The following RECK variants were observed in gnomAD, a reference collection of about 807,000 sequenced individuals.
RECK encodes reversion inducing cysteine rich protein with kazal motifs.
Under a neutral mutation model 115.1 loss-of-function variants are expected in RECK, and 69 were observed. That is an observed-to-expected ratio of 0.60 (90% confidence interval 0.49 to 0.73). The LOEUF (loss-of-function observed/expected upper bound fraction) is 0.73. Ranked by LOEUF, RECK falls within the 30% of genes least tolerant of loss-of-function variation. RECK has a pLI of 0.00. For synonymous variants in RECK, 414 were observed against 419.7 expected, an observed-to-expected ratio of 0.99 and a Z score of 0.17; for missense variants, 1,047 against 1,203.7, an observed-to-expected ratio of 0.87 and a Z score of 1.93.
chr9:36,114,074 C>G (rs1374194172), intron 16 of RECK, among the ~76,000 whole-genome samples: 2 of 152,196 alleles, frequency 1.3e-5, no homozygotes, highest in Non-Finnish European at 2.9e-5. Flanking sequence ...TCTGTGTCTT[C>G]TGCATCTGGA....
At chr9:36,045,416 TTGAA>T (rs1448692750) in intron 1 of RECK, among the ~76,000 whole-genome samples, 2 of 152,176 alleles carry the variant, frequency 1.3e-5, no homozygotes, top group African/African-American at 4.8e-5. Flanking sequence ...TTTTTTAAAT[TTGAA>T]TGATCTTTTT....
intron 18 of RECK, among the ~76,000 whole-genome samples, chr9:36,120,004 G>A (rs980717588): frequency 2.0e-5 from 3 of 152,284 alleles, no homozygotes; most frequent in Non-Finnish European, 4.4e-5. Context: ...GGAGGCCGAG[G>A]CAGGCGGATC....
chr9:36,117,627 T>A (rs1824311523), intron 17 of RECK, among the ~76,000 whole-genome samples: 1 of 152,244 alleles, frequency 6.6e-6, no homozygotes, highest in South Asian at 2.1e-4. Flanking sequence ...AGACTTAATG[T>A]CTTTTTACAT....
chr9:36,118,662 TCC>T, intron 17 of RECK, 93 bp from the exon 18 acceptor site: 5 of 1,193,144 alleles, frequency 4.2e-6, no homozygotes, highest in Admixed American at 4.4e-5. Context: ...GTGTCTTTTT[TCC>T]TTCCTGAAAA....
At chr9:36,093,278 A>G (rs1415690397) in intron 10 of RECK, among the ~76,000 whole-genome samples, 1 of 152,256 alleles carries the variant, frequency 6.6e-6, no homozygotes, top group Non-Finnish European at 1.5e-5. Context: ...AGTATCATGC[A>G]TAATGTCCAT....
Position 36,036,921 on chromosome 9 carries a change from G to A in RECK, c.-78G>A. The A allele has an allele frequency of 2.1e-6, 2 of 946,034 alleles. No individual in the cohort carries two copies. The highest frequency in any genetic ancestry group is 2.8e-6 in the Non-Finnish European group (2 of 717,452). 58.6% of individuals were successfully genotyped at this position (946,034 alleles called of 1,614,324 possible). On this transcript the variant is annotated 5_prime_UTR_variant, in exon 1 of 21. Transcript: ENST00000377966. ...GCTGGGGGCGGGGCCTCGCGCGAGC[G>A]GCGGCGGTAGCGGCGGCAGCGGCTG...
Position 36,123,213 on chromosome 9 carries a change from G to A in RECK, c.*168G>A, listed in dbSNP as rs1564141865. The A allele has an allele frequency of 9.0e-6, 5 of 556,496 alleles. No homozygotes were observed. The highest frequency in any genetic ancestry group is 5.9e-5 in the East Asian group (2 of 33,786). The allele number at this position is 556,496 out of a possible 1,614,324, so 34.5% of individuals were successfully genotyped here. On this transcript the variant is annotated 3_prime_UTR_variant, in exon 21 of 21. Coordinates refer to ENST00000377966, the MANE Select transcript of RECK (RefSeq NM_021111.3). ...ATCCGCCAATATTAGTAGGATTTTT[G>A]TTTTGTTTTTACAAATGTTAAAATG...
At chr9:36,041,034 ATTTAT>A (rs1311014358) in intron 1 of RECK, among the ~76,000 whole-genome samples, 5 of 152,214 alleles carry the variant, frequency 3.3e-5, no homozygotes, top group Non-Finnish European at 7.3e-5. Flanking sequence ...TTTAGCAAAT[ATTTAT>A]TAAACTATTA....
intron 1 of RECK, among the ~76,000 whole-genome samples, chr9:36,041,943 T>C (rs540421042): frequency 6.6e-6 from 1 of 152,258 alleles, no homozygotes; most frequent in South Asian, 2.1e-4. Context: ...CATATGATGT[T>C]TTCTAAATTA....
At chr9:36,080,487 T>A in intron 6 of RECK, 118 bp from the exon 7 acceptor site, 1 of 827,520 alleles carries the variant, frequency 1.2e-6, no homozygotes, top group South Asian at 1.5e-5. Context: ...AGTCTTGGAT[T>A]TAGGGAAGAA....
At chr9:36,069,946 A>C (rs748009234) in intron 6 of RECK, among the ~76,000 whole-genome samples, 1 of 152,220 alleles carries the variant, frequency 6.6e-6, no homozygotes, top group Non-Finnish European at 1.5e-5. Context: ...ATGATTCCTA[A>C]ATGGTTCCGA....
chr9:36,100,710 C>T (rs1823534445), intron 11 of RECK, among the ~76,000 whole-genome samples, 167 bp downstream of exon 11: 1 of 152,218 alleles, frequency 6.6e-6, no homozygotes, highest in Non-Finnish European at 1.5e-5. Flanking sequence ...ATACTGCTCC[C>T]CTCATCACCA....
chr9:36,051,550 G>C (rs1821301924), intron 1 of RECK, among the ~76,000 whole-genome samples: 1 of 152,110 alleles, frequency 6.6e-6, no homozygotes, highest in South Asian at 2.1e-4. Flanking sequence ...AGTCTAACTT[G>C]ACTCTTGTGG....
chr9:36,065,932 C>T (rs1439254225), intron 6 of RECK, among the ~76,000 whole-genome samples: 1 of 152,124 alleles, frequency 6.6e-6, no homozygotes, highest in Non-Finnish European at 1.5e-5. Flanking sequence ...TCTCGTGTTT[C>T]ATGTTCTCTT....
In RECK at chr9:36,036,936, G is replaced by A; in HGVS notation, c.-63G>A. The stretch of plus-strand genomic sequence containing the variant: ...TCGCGCGAGCGGCGGCGGTAGCGGC[G>A]GCAGCGGCTGCGGCCAAGCTGGGTC... On this transcript the variant is annotated 5_prime_UTR_variant, in exon 1 of 21. Coordinates refer to ENST00000377966, the MANE Select transcript of RECK (RefSeq NM_021111.3). 9.0e-7 allele frequency: 1 copy of A among 1,110,928 alleles called. No individual in the cohort carries two copies. Among genetic ancestry groups the A allele is most frequent in the Non-Finnish European group, 1.2e-6 (1 of 863,318 alleles). The allele number at this position is 1,110,928 out of a possible 1,614,324, so 68.8% of individuals were successfully genotyped here. A position where few individuals can be genotyped will look rare whatever the true frequency, so the allele number is the denominator to read the frequency against.
At chr9:36,099,633 ATTTT>A (rs944789834) in intron 10 of RECK, among the ~76,000 whole-genome samples, 1 of 151,746 alleles carries the variant, frequency 6.6e-6, no homozygotes, top group South Asian at 2.1e-4. Context: ...GCGTGCCACA[ATTTT>A]TTTGTTTGTT....
intron 9 of RECK, among the ~76,000 whole-genome samples, chr9:36,088,418 T>C (rs1245524006): frequency 6.6e-6 from 1 of 152,204 alleles, no homozygotes; most frequent in African/African-American, 2.4e-5. Context: ...ATCTTGGTGA[T>C]ACACTTAGAG....
intron 6 of RECK, among the ~76,000 whole-genome samples, chr9:36,076,235 C>A (rs555178165): frequency 1.3e-5 from 2 of 152,256 alleles, no homozygotes; most frequent in South Asian, 4.2e-4. Context: ...TGAATGCACC[C>A]AAAGCAAGGT....
At position 36,073,526 on chromosome 9, in the gene RECK, A is replaced by G. The variant is rs1232788562; in HGVS notation, c.406-7079A>G. 2.0e-5 allele frequency among the ~76,000 whole-genome samples: 3 copies of G among 152,080 alleles called. No homozygotes were observed. The East Asian group carries it at 5.8e-4, about 29-fold the overall frequency. ...AGGTCTTTCTGCCACTTTTCTGGAT[A>G]CCTATAATAGCTGCCAAACTAGTTT... On this transcript the variant is annotated intron_variant, in intron 6 of 20. Transcript: ENST00000377966.
Sources: allele counts gnomAD v4.1 joint callset (sites outside exome capture counted in the v4.1 genomes callset), GRCh38; gene constraint gnomAD v4.1.1; transcripts MANE v1.5; gene names NCBI Gene and HGNC (gene_info 2026-07-23, HGNC 2026-07-21).